Variants in NCK1 observed in about 807,000 individuals in gnomAD.
NCK1 encodes NCK adaptor protein 1, also known as SH2/SH3 adapter protein NCK1.
A neutral mutation model predicts 36.6 loss-of-function variants in NCK1; 19 were observed. The observed-to-expected ratio is 0.52, with a 90% CI of 0.36 to 0.76. The LOEUF is 0.76. Ranked by LOEUF, NCK1 falls within the 30% of genes least tolerant of loss-of-function variation. The pLI, the probability that NCK1 is intolerant of heterozygous loss-of-function variation, is 0.00. For synonymous variants in NCK1, 165 were observed against 156.0 expected (o/e 1.06, Z -0.43); for missense variants, 358 against 445.6 (o/e 0.80, Z 1.77).
At chr3:136,909,214 A>G (rs1387726601) in intron 1 of NCK1, among the ~76,000 whole-genome samples, 1 of 152,234 alleles carries the variant, frequency 6.6e-6, no homozygotes, top group Admixed American at 6.5e-5. Flanking sequence ...GAGAGGCAGA[A>G]GTTAGGTAGA....
intron 1 of NCK1, among the ~76,000 whole-genome samples, chr3:136,912,165 T>TC (rs1553795904): frequency 2.4e-5 from 2 of 83,778 alleles, no homozygotes; most frequent in South Asian, 6.5e-4. Context: ...ATTTTTTCTT[T>TC]TTTTTTTTTT....
At chr3:136,867,928 T>A (rs1938497614) in intron 1 of NCK1, among the ~76,000 whole-genome samples, 1 of 152,158 alleles carries the variant, frequency 6.6e-6, no homozygotes, top group African/African-American at 2.4e-5. Flanking sequence ...TAAATTTTTT[T>A]TTTTTTGAGA....
intron 1 of NCK1, among the ~76,000 whole-genome samples, chr3:136,916,763 A>C (rs538705293): frequency 1.3e-5 from 2 of 152,296 alleles, no homozygotes; most frequent in African/African-American, 4.8e-5. Flanking sequence ...GTTTAGTTCA[A>C]AAAATTGAAA....
At chr3:136,864,042 A>G (rs977780813) in intron 1 of NCK1, among the ~76,000 whole-genome samples, 1 of 151,968 alleles carries the variant, frequency 6.6e-6, no homozygotes, top group African/African-American at 2.4e-5. Flanking sequence ...CGGAGCTTGC[A>G]GTGAGCCGAG....
intron 1 of NCK1, among the ~76,000 whole-genome samples, chr3:136,888,388 C>A (rs907094726): frequency 3.3e-5 from 5 of 152,110 alleles, no homozygotes; most frequent in African/African-American, 9.7e-5. Flanking sequence ...AGTTGTGCAA[C>A]CATCACCACA....
chr3:136,905,787 G>C (rs914473318), intron 1 of NCK1, among the ~76,000 whole-genome samples: 15 of 151,648 alleles, frequency 9.9e-5, no homozygotes, highest in Non-Finnish European at 1.5e-5. Context: ...ACCACACCTG[G>C]TTAATTTTTG....
intron 1 of NCK1, among the ~76,000 whole-genome samples, chr3:136,887,568 C>A (rs1007034473): frequency 6.6e-6 from 1 of 152,150 alleles, no homozygotes; most frequent in African/African-American, 2.4e-5. Context: ...AGTTGCCTTG[C>A]CAGTTACATA....
chr3:136,913,228 CTG>C (rs776523624), intron 1 of NCK1, among the ~76,000 whole-genome samples: 1 of 151,992 alleles, frequency 6.6e-6, no homozygotes, highest in Non-Finnish European at 1.5e-5. Context: ...TGTGATAACT[CTG>C]GAAATCAGAT....
intron 2 of NCK1, among the ~76,000 whole-genome samples, chr3:136,933,959 C>T (rs1940457739): frequency 6.6e-6 from 1 of 152,124 alleles, no homozygotes; most frequent in Admixed American, 6.5e-5. Flanking sequence ...CTGCCTGCCT[C>T]AGCCTCCCAA....
At chr3:136,899,400 T>G in intron 1 of NCK1, 1 of 245,352 alleles carries the variant, frequency 4.1e-6, no homozygotes, top group Non-Finnish European at 8.3e-6. Flanking sequence ...CTACTGGGGA[T>G]TTTACCTTCA....
intron 1 of NCK1, among the ~76,000 whole-genome samples, chr3:136,871,027 T>A (rs1023824381): frequency 1.3e-5 from 2 of 152,194 alleles, no homozygotes; most frequent in Non-Finnish European, 2.9e-5. Flanking sequence ...TCTTTGTGTA[T>A]AAGGCTTTAC....
chr3:136,916,715 G>T (rs1939973606), intron 1 of NCK1, among the ~76,000 whole-genome samples: 1 of 152,128 alleles, frequency 6.6e-6, no homozygotes, highest in Non-Finnish European at 1.5e-5. Context: ...CAGAATGAGG[G>T]TTTAGTGTAA....
At chr3:136,899,991 G>A (rs1560040690) in intron 1 of NCK1, 2 of 688,248 alleles carry the variant, frequency 2.9e-6, no homozygotes, top group Non-Finnish European at 5.3e-6. Context: ...TAAAGGTACA[G>A]TTGCAGAAAC....
intron 1 of NCK1, among the ~76,000 whole-genome samples, chr3:136,898,432 G>A (rs531252119): frequency 5.0e-4 from 74 of 146,866 alleles, no homozygotes; most frequent in African/African-American, 1.7e-3. Context: ...CAAGAAAAAA[G>A]CATTTCAAAA....
At chr3:136,908,476 A>T (rs1939743369) in intron 1 of NCK1, among the ~76,000 whole-genome samples, 1 of 152,158 alleles carries the variant, frequency 6.6e-6, no homozygotes, top group African/African-American at 2.4e-5. Flanking sequence ...CAGCATTTGG[A>T]TATGGAAACA....
chr3:136,867,063 T>C lies in NCK1; in HGVS notation c.-19+4710T>C, dbSNP rs572162343. 0.044 allele frequency among the ~76,000 whole-genome samples: 12 copies of C among 270 alleles called. 2 individuals carry two copies. In the East Asian group the frequency reaches 0.46, roughly 10 times the overall value. The allele number at this position is 270 out of a possible 152,430, so 0.2% of individuals were successfully genotyped here. On this transcript the variant is annotated intron_variant, in intron 1 of 3. Transcript: ENST00000481752. ...TGTTGCTTGCTTTTCTTTCTTTCTT[T>C]CTTTCTTTCTTTCTTTCTTTCTTTC... is the stretch of plus-strand genomic sequence containing the variant.
rs1416000800 is a variant in NCK1, at chr3:136,946,285, G to C, written c.929G>C (p.Ser310Thr). ...GHEGDFLIRD[S>T]ESSPNDFSVS... ...GAAGGGGATTTCCTCATTCGTGATAGTGAATCTTCGGTAAGTTGATTTTCG... is the reference window on the plus strand; with the variant it reads ...GAAGGGGATTTCCTCATTCGTGATACTGAATCTTCGGTAAGTTGATTTTCG... Residue 310 changes from serine to threonine, a missense_variant, in exon 3 of 4, where the codon AGT becomes ACT. Physicochemically the swap from Ser to Thr is moderately conservative, Grantham distance 58. Coordinates refer to ENST00000481752, the MANE Select transcript of NCK1 (RefSeq NM_001291999.2). 6.2e-7 allele frequency: 1 copy of C among 1,608,130 alleles called. No homozygotes were observed. Among genetic ancestry groups the C allele is most frequent in the Non-Finnish European group, 8.5e-7 (1 of 1,176,292 alleles).
At chr3:136,942,059 C>T (rs1045933085) in intron 2 of NCK1, among the ~76,000 whole-genome samples, 3 of 152,112 alleles carry the variant, frequency 2.0e-5, no homozygotes, top group Admixed American at 6.5e-5. Context: ...AGGCTGGTTT[C>T]GATCTCCTGA....
intron 1 of NCK1, among the ~76,000 whole-genome samples, chr3:136,887,137 C>T (rs1240968031): frequency 2.0e-5 from 3 of 152,146 alleles, no homozygotes; most frequent in East Asian, 1.9e-4. Flanking sequence ...AGCCACTGCA[C>T]CCAGCCCCTA....
Sources: gnomAD v4.1 joint callset for allele counts (sites outside exome capture counted in the v4.1 genomes callset) on GRCh38, gnomAD v4.1.1 for gene constraint, MANE v1.5 for transcripts, NCBI Gene and HGNC (gene_info 2026-07-23, HGNC 2026-07-21) for gene names.